The following SYNPR variants were observed in gnomAD, a reference collection of about 807,000 sequenced individuals.
SYNPR encodes synaptoporin.
SYNPR carries 23 observed loss-of-function variants against 32.9 expected under a neutral mutation model. The observed-to-expected ratio is 0.70, with a 90% CI of 0.50 to 0.99. The LOEUF is 0.99. Ranked by LOEUF, SYNPR falls within the 50% of genes least tolerant of loss-of-function variation. The pLI, the probability that SYNPR is intolerant of heterozygous loss-of-function variation, is 0.00. For missense variants in SYNPR, 318 were observed against 349.3 expected, an observed-to-expected ratio of 0.91 and a Z score of 0.71; for synonymous variants, 146 against 135.9, an observed-to-expected ratio of 1.07 and a Z score of -0.52.
chr3:63,446,034 G>A (rs924897517), intron 2 of SYNPR, among the ~76,000 whole-genome samples: 1 of 151,998 alleles, frequency 6.6e-6, no homozygotes, highest in Non-Finnish European at 1.5e-5. Context: ...GCCCACCTAG[G>A]GTAAAATTTA....
At chr3:63,333,577 C>G (rs1009405214) in intron 2 of SYNPR, among the ~76,000 whole-genome samples, 4 of 152,080 alleles carry the variant, frequency 2.6e-5, no homozygotes, top group African/African-American at 9.7e-5. Flanking sequence ...CCACCACGCT[C>G]AGCTTATTTT....
intron 1 of SYNPR, among the ~76,000 whole-genome samples, chr3:63,231,534 C>T (rs2086166747): frequency 1.3e-5 from 2 of 152,052 alleles, no homozygotes; most frequent in Admixed American, 6.6e-5. Flanking sequence ...CCCCTTATTC[C>T]CCAATTAAAT....
At chr3:63,283,934 G>A (rs2086656116) in intron 2 of SYNPR, among the ~76,000 whole-genome samples, 1 of 144,656 alleles carries the variant, frequency 6.9e-6, no homozygotes, top group African/African-American at 2.6e-5. Context: ...TCAGCCTCCC[G>A]AGTAGCTGGG....
At chr3:63,408,839 A>G (rs565761440) in intron 2 of SYNPR, among the ~76,000 whole-genome samples, 1 of 152,250 alleles carries the variant, frequency 6.6e-6, no homozygotes, top group Admixed American at 6.5e-5. Flanking sequence ...ATAATGCTCT[A>G]CCGGCTATCT....
At chr3:63,242,759 T>A (rs1366709779) in intron 1 of SYNPR, among the ~76,000 whole-genome samples, 1 of 152,056 alleles carries the variant, frequency 6.6e-6, no homozygotes, top group Non-Finnish European at 1.5e-5. Context: ...AGGAAGAATT[T>A]GCACACTAAT....
At chr3:63,468,165 G>A (rs1700721214) in intron 2 of SYNPR, among the ~76,000 whole-genome samples, 2 of 135,168 alleles carry the variant, frequency 1.5e-5, no homozygotes, top group African/African-American at 5.8e-5. Context: ...TTGCACTCCA[G>A]CCTGGGCAAC....
At chr3:63,344,948 G>A (rs1575604798) in intron 2 of SYNPR, among the ~76,000 whole-genome samples, 1 of 152,096 alleles carries the variant, frequency 6.6e-6, no homozygotes, top group Non-Finnish European at 1.5e-5. Context: ...CCAGTTTCTT[G>A]GTATGTGTAA....
intron 4 of SYNPR, among the ~76,000 whole-genome samples, chr3:63,585,122 C>T (rs1703160749): frequency 6.6e-6 from 1 of 152,108 alleles, no homozygotes; most frequent in African/African-American, 2.4e-5. Context: ...GGAGCCTACA[C>T]TCCTAAAAAT....
At chr3:63,223,731 G>A (rs934900220), upstream of SYNPR, among the ~76,000 whole-genome samples, 12 of 152,114 alleles carry the variant, frequency 7.9e-5, no homozygotes, top group African/African-American at 2.7e-4. Flanking sequence ...TAAAAGGACT[G>A]CCCCCCTCTT....
chr3:63,206,305 TC>T, the SYNPR span, among the ~76,000 whole-genome samples: 1 of 152,120 alleles, frequency 6.6e-6, no homozygotes, highest in Non-Finnish European at 1.5e-5. Flanking sequence ...TGTGAACATA[TC>T]CCAATAGAAA....
chr3:63,607,435 G>C (rs778202722), intron 4 of SYNPR, among the ~76,000 whole-genome samples: 19 of 152,064 alleles, frequency 1.2e-4, no homozygotes, highest in Non-Finnish European at 2.1e-4. Context: ...CCAAATGTTT[G>C]TATTACTGTT....
At chr3:63,252,207 T>C (rs1480027292) in intron 1 of SYNPR, among the ~76,000 whole-genome samples, 1 of 152,188 alleles carries the variant, frequency 6.6e-6, no homozygotes, top group Non-Finnish European at 1.5e-5. Context: ...TTCAAGGATA[T>C]GAATGACACA....
rs117501002 is a variant in SYNPR, at chr3:63,487,339, G to A, written c.209+6383G>A. ...CTTATCACTTCTGTTTCTTATCTGT[G>A]AAACAGAAACAATGTTACCTATTTC... is the stretch of plus-strand genomic sequence containing the variant. On this transcript the variant is annotated intron_variant, in intron 3 of 5. Transcript: ENST00000478300. 3.7e-4 allele frequency among the ~76,000 whole-genome samples: 56 copies of A among 152,122 alleles called. No homozygotes were observed. In the East Asian group the frequency reaches 0.011, roughly 29 times the overall value.
At chr3:63,225,992 C>T (rs2086125320), upstream of SYNPR, among the ~76,000 whole-genome samples, 1 of 151,668 alleles carries the variant, frequency 6.6e-6, no homozygotes, top group African/African-American at 2.4e-5. Flanking sequence ...GGCAAAATAA[C>T]TTGATCACTT....
intron 2 of SYNPR, among the ~76,000 whole-genome samples, chr3:63,355,263 A>C (rs1231298911): frequency 6.8e-6 from 1 of 147,360 alleles, no homozygotes; most frequent in Non-Finnish European, 1.5e-5. Flanking sequence ...TGGGTGACAG[A>C]GTGAGACCCT....
chr3:63,328,431 T>C (rs921710864), intron 2 of SYNPR, among the ~76,000 whole-genome samples: 9 of 152,322 alleles, frequency 5.9e-5, no homozygotes, highest in Non-Finnish European at 1.2e-4. Context: ...GAATTCATAA[T>C]GTACCAGTGT....
intron 3 of SYNPR, among the ~76,000 whole-genome samples, chr3:63,522,306 A>G (rs137916188): frequency 7.2e-5 from 11 of 152,102 alleles, no homozygotes; most frequent in Non-Finnish European, 1.3e-4. Flanking sequence ...CTTCTCTTTG[A>G]CCCTCAGTTT....
At chr3:63,320,614 T>C (rs912389931) in intron 2 of SYNPR, among the ~76,000 whole-genome samples, 2 of 152,058 alleles carry the variant, frequency 1.3e-5, no homozygotes, top group Admixed American at 1.3e-4. Flanking sequence ...TTACCTGACA[T>C]ATAGCAATAA....
intron 2 of SYNPR, among the ~76,000 whole-genome samples, chr3:63,446,036 TA>T (rs1477206705): frequency 6.6e-6 from 1 of 152,116 alleles, no homozygotes; most frequent in Non-Finnish European, 1.5e-5. Context: ...CCACCTAGGG[TA>T]AAATTTATGC....
Sources: gnomAD v4.1 joint callset for allele counts (sites outside exome capture counted in the v4.1 genomes callset) on GRCh38, gnomAD v4.1.1 for gene constraint, MANE v1.5 for transcripts, NCBI Gene and HGNC (gene_info 2026-07-23, HGNC 2026-07-21) for gene names.